SLC38A1: variants seen among roughly 807,000 people sequenced by gnomAD.
SLC38A1 encodes the protein solute carrier family 38 member 1.
A neutral mutation model predicts 60.3 loss-of-function variants in SLC38A1; 18 were observed. That is an observed-to-expected ratio of 0.30 (90% confidence interval 0.21 to 0.44). The LOEUF (loss-of-function observed/expected upper bound fraction) is 0.44. Among genes scored for constraint, SLC38A1 ranks in the 20% least tolerant of loss-of-function variants. SLC38A1 has a pLI of 1.00. For synonymous variants in SLC38A1, 196 were observed against 212.1 expected (o/e 0.92, Z 0.66); for missense variants, 448 against 587.2 (o/e 0.76, Z 2.45).
chr12:46,256,942 G>C (rs1592154896), intron 1 of SLC38A1, among the ~76,000 whole-genome samples: 1 of 152,216 alleles, frequency 6.6e-6, no homozygotes, highest in East Asian at 1.9e-4. Context: ...GTGGTGTCTG[G>C]GTAAGATGGT....
rs142616829 is a variant in SLC38A1, at chr12:46,201,263, T to C, written c.903-65A>G. ...CTGAATTTAAGCACCAGTGTTAACA[T>C]TGAAGAATACTAATTTAACTTTGCT... is the stretch of plus-strand genomic sequence containing the variant. On this transcript the variant is annotated intron_variant, in intron 12 of 16. Coordinates refer to ENST00000398637, the MANE Select transcript of SLC38A1 (RefSeq NM_030674.4). 1.7e-3 allele frequency: 2,156 copies of C among 1,286,834 alleles called. 51 individuals are homozygous for C. In the Admixed American group the frequency reaches 0.039, roughly 23 times the overall value. 79.7% of individuals were successfully genotyped at this position (1,286,834 alleles called of 1,614,324 possible).
chr12:46,249,018 C>T (rs576969993), intron 1 of SLC38A1, among the ~76,000 whole-genome samples: 6 of 151,842 alleles, frequency 4.0e-5, no homozygotes, highest in Admixed American at 6.6e-5. Context: ...TAACCAGGTG[C>T]GGTGGCGGGT....
At chr12:46,250,582 G>A (rs1178680293) in intron 1 of SLC38A1, among the ~76,000 whole-genome samples, 1 of 152,180 alleles carries the variant, frequency 6.6e-6, no homozygotes, top group Non-Finnish European at 1.5e-5. Flanking sequence ...TGTATATTTA[G>A]AAAACCCCTT....
intron 8 of SLC38A1, among the ~76,000 whole-genome samples, chr12:46,206,531 T>A (rs1939911500): frequency 6.6e-6 from 1 of 152,206 alleles, no homozygotes; most frequent in African/African-American, 2.4e-5. Context: ...TGGGCTAGTA[T>A]CAGTGAGAAA....
Position 46,201,011 on chromosome 12 carries a change from C to T in SLC38A1, c.1003+87G>A, listed in dbSNP as rs112573437. 1.3e-3 allele frequency: 1,199 copies of T among 949,292 alleles called. 10 individuals carry two copies. The African/African-American group carries it at 0.016, about 13-fold the overall frequency. The allele number at this position is 949,292 out of a possible 1,614,324, so 58.8% of individuals were successfully genotyped here. ...ATGGATAGCTTTGTTGCTTTCTTTG[C>T]CTTTCATGTTAAAAGTTATTTCAAC... On this transcript the variant is annotated intron_variant, in intron 13 of 16. Transcript: ENST00000398637.
At chr12:46,252,996 GAAAAAAAAA>G (rs71437760) in intron 1 of SLC38A1, among the ~76,000 whole-genome samples, 1 of 107,212 alleles carries the variant, frequency 9.3e-6, no homozygotes. Flanking sequence ...ATCTTTTTTT[GAAAAAAAAA>G]AAAAAAAAGT....
At chr12:46,218,140 G>A (rs573793646) in intron 5 of SLC38A1, among the ~76,000 whole-genome samples, 106 of 152,256 alleles carry the variant, frequency 7.0e-4, no homozygotes, top group African/African-American at 2.4e-3. Context: ...GAGAAAGAGC[G>A]CCATGTACCA....
Position 46,255,695 on chromosome 12 carries a change from A to T in SLC38A1, c.-208-12381T>A, listed in dbSNP as rs1012327935. Among the ~76,000 whole-genome samples, 6 of 152,210 alleles carry T rather than the reference A, an allele frequency of 3.9e-5. No homozygotes were observed. The East Asian group carries it at 1.2e-3, about 29-fold the overall frequency. On this transcript the variant is annotated intron_variant, in intron 1 of 16. Coordinates refer to ENST00000398637, the MANE Select transcript of SLC38A1 (RefSeq NM_030674.4). ...TTTTACTTTTGATGAAAACCTTGGTAAGTTTGGGATTTTAATTATGTACTA... is the reference window on the plus strand; with the variant it reads ...TTTTACTTTTGATGAAAACCTTGGTTAGTTTGGGATTTTAATTATGTACTA...
At chr12:46,229,660 T>C in intron 3 of SLC38A1, 21 bp from the exon 4 acceptor site, 1 of 1,581,512 alleles carries the variant, frequency 6.3e-7, no homozygotes, top group African/African-American at 1.3e-5. Flanking sequence ...ATGCGTAATA[T>C]ATTTAACCTT....
chr12:46,214,021 C>T (rs569300779), intron 5 of SLC38A1, among the ~76,000 whole-genome samples: 7 of 152,324 alleles, frequency 4.6e-5, no homozygotes, highest in Non-Finnish European at 1.0e-4. Context: ...CACTGTATCT[C>T]AAAAGATGAT....
At chr12:46,196,043 T>C (rs1939360682) in intron 16 of SLC38A1, 4 of 1,094,576 alleles carry the variant, frequency 3.7e-6, no homozygotes, top group Non-Finnish European at 5.3e-6. Context: ...TCGATCTTGC[T>C]GGGAGCTGCA....
chr12:46,266,438 A>G (rs935539231), intron 1 of SLC38A1, among the ~76,000 whole-genome samples: 5 of 152,060 alleles, frequency 3.3e-5, no homozygotes, highest in African/African-American at 1.2e-4. Context: ...GAAGAGTGCA[A>G]TAAGTACTTG....
At chr12:46,253,243 G>A (rs917020854) in intron 1 of SLC38A1, among the ~76,000 whole-genome samples, 1 of 152,172 alleles carries the variant, frequency 6.6e-6, no homozygotes, top group African/African-American at 2.4e-5. Context: ...CCCCAAAAGA[G>A]GGTTCTTGGA....
At chr12:46,217,839 T>C (rs995721607) in intron 5 of SLC38A1, among the ~76,000 whole-genome samples, 3 of 152,236 alleles carry the variant, frequency 2.0e-5, no homozygotes, top group Middle Eastern at 3.4e-3. Context: ...AGGAAACAGG[T>C]GGAGAGCAAT....
intron 16 of SLC38A1, 63 bp from the exon 17 acceptor site, chr12:46,189,134 G>A: frequency 1.6e-6 from 2 of 1,271,356 alleles, no homozygotes; most frequent in Non-Finnish European, 2.3e-6. Context: ...ATGTACCTGG[G>A]GAAAAAAAAT....
chr12:46,188,981 C>T lies in SLC38A1; in HGVS notation c.1453G>A (p.Glu485Lys), dbSNP rs202229349. ...TTTCTCGGCGGGTTTCAGTGGCCTT[C>T]GTCACTACTCGATGAGCAGGCCCAG... ...YDWACSSSSD[E>K]GH Residue 485 changes from glutamate to lysine, a missense_variant, in exon 17 of 17, where the codon GAA (glutamate) becomes AAA (lysine). Glu to Lys is a moderately conservative substitution (Grantham distance 56). Around this residue, in one of 2 missense-constraint regions of SLC38A1, gnomAD observed 346 missense variants for 497.5 expected, o/e 0.70. Transcript: ENST00000398637. 501 of 1,612,948 alleles carry T rather than the reference C, an allele frequency of 3.1e-4. 1 individual carries two copies. The highest frequency in any genetic ancestry group is 4.0e-4 in the East Asian group (18 of 44,836).
chr12:46,249,569 T>C (rs1379538091), intron 1 of SLC38A1, among the ~76,000 whole-genome samples: 1 of 151,810 alleles, frequency 6.6e-6, no homozygotes, highest in Non-Finnish European at 1.5e-5. Flanking sequence ...GAAAAGATCA[T>C]CACAATTGAT....
At chr12:46,253,759 T>TC (rs1192994162) in intron 1 of SLC38A1, among the ~76,000 whole-genome samples, 2 of 151,662 alleles carry the variant, frequency 1.3e-5, no homozygotes, top group Non-Finnish European at 2.9e-5. Flanking sequence ...CTCTGACATT[T>TC]CCCCCCTCCC....
rs1330918558 is a variant in SLC38A1 at position 46,207,537 on chromosome 12, T to C, written c.473A>G (p.Asn158Ser). The change falls in exon 7 of 17, where the codon AAC (asparagine) becomes AGC (serine). Residue 158 changes from asparagine to serine, a missense_variant. Asn to Ser is a conservative substitution (Grantham distance 46). Coordinates refer to ENST00000398637, the MANE Select transcript of SLC38A1 (RefSeq NM_030674.4). ...FVIFGATSLQ[N>S]TGAMLSYLFI... ...AAGCATGTTCTTTTTACCTCCAGTG[T>C]TCTGTAGAGAGGTGGCTCCAAAGAT... 1.2e-6 allele frequency: 2 copies of C among 1,613,570 alleles called. No individual in the cohort carries two copies. The highest frequency in any genetic ancestry group is 8.5e-7 in the Non-Finnish European group (1 of 1,179,604).
Sources: allele counts gnomAD v4.1 joint callset (sites outside exome capture counted in the v4.1 genomes callset), GRCh38; gene constraint gnomAD v4.1.1; regional missense constraint gnomAD v4.1.1; transcripts MANE v1.5; gene names NCBI Gene and HGNC (gene_info 2026-07-23, HGNC 2026-07-21).